Variants in CAMTA2 observed in about 807,000 individuals in gnomAD.
The protein encoded by CAMTA2 is calmodulin-binding transcription activator 2.
A neutral mutation model predicts 135.7 loss-of-function variants in CAMTA2; 56 were observed. The ratio of observed to expected loss-of-function variants is 0.41; its 90% CI spans 0.33 to 0.52. CAMTA2 has a LOEUF of 0.52. Among genes scored for constraint, CAMTA2 ranks in the 20% least tolerant of loss-of-function variants. The probability of loss-of-function intolerance (pLI) is 0.16; values close to 1 mark genes in which losing one functional copy is unlikely to be tolerated. For synonymous variants in CAMTA2, 591 were observed against 604.6 expected, an observed-to-expected ratio of 0.98 and a Z score of 0.33; for missense variants, 1,358 against 1,553.4, an observed-to-expected ratio of 0.87 and a Z score of 2.11.
At chr17:4,977,565 G>A (rs912381334) in intron 10 of CAMTA2, among the ~76,000 whole-genome samples, 6 of 152,250 alleles carry the variant, frequency 3.9e-5, no homozygotes, top group South Asian at 2.1e-4. Context: ...GAGGAAAGGG[G>A]AGCTAGCCGC....
intron 3 of CAMTA2, among the ~76,000 whole-genome samples, chr17:4,984,607 T>C (rs1246421290): frequency 6.6e-6 from 1 of 152,186 alleles, no homozygotes; most frequent in African/African-American, 2.4e-5. Context: ...TCTTCTGACA[T>C]CAAATTGATA....
Position 4,968,365 on chromosome 17 carries a change from G to A in CAMTA2, c.*391C>T. The A allele has an allele frequency of 3.1e-6, 1 of 327,482 alleles. No individual in the cohort carries two copies. Among genetic ancestry groups the A allele is most frequent in the South Asian group, 3.5e-5 (1 of 28,454 alleles). 20.3% of individuals were successfully genotyped at this position (327,482 alleles called of 1,614,324 possible). A position where few individuals can be genotyped will look rare whatever the true frequency, so the allele number is the denominator to read the frequency against. On this transcript the variant is annotated 3_prime_UTR_variant, in exon 23 of 23. Coordinates refer to ENST00000348066, the MANE Select transcript of CAMTA2 (RefSeq NM_015099.4). ...CAGCCCTGAAACACGAGGGGCGTGC[G>A]CAGCGAAGGCAGTGGTGGGAACCGA...
At chr17:4,976,492 G>A (rs1199289447) in intron 11 of CAMTA2, among the ~76,000 whole-genome samples, 2 of 151,954 alleles carry the variant, frequency 1.3e-5, no homozygotes, top group African/African-American at 4.8e-5. Flanking sequence ...TTGAGGTCAG[G>A]AGTTTGAGAC....
At position 4,986,180 on chromosome 17, in the gene CAMTA2, T is replaced by C. The variant is rs1307373535; in HGVS notation, c.31+12A>G. 1.3e-6 allele frequency: 2 copies of C among 1,540,468 alleles called. No homozygotes were observed. Among genetic ancestry groups the C allele is most frequent in the East Asian group, 2.2e-5 (1 of 44,504 alleles). ...GCTGTGGCCACATTGGGAACCTGGT[T>C]TGTGAACTTACCAGCAACCTCGGTG... On this transcript the variant is annotated intron_variant, in intron 2 of 22. Coordinates refer to ENST00000348066, the MANE Select transcript of CAMTA2 (RefSeq NM_015099.4).
At chr17:4,985,305 AAGGC>A (rs980318906) in intron 3 of CAMTA2, among the ~76,000 whole-genome samples, 2 of 152,276 alleles carry the variant, frequency 1.3e-5, no homozygotes, top group African/African-American at 4.8e-5. Context: ...TAAATGAGAC[AAGGC>A]AGGCCAAATG....
intron 12 of CAMTA2, chr17:4,974,004 C>A (rs532595126): frequency 3.6e-6 from 2 of 562,896 alleles, no homozygotes; most frequent in Non-Finnish European, 6.3e-6. Flanking sequence ...CCCATCAGCT[C>A]AGATTAGTGC....
chr17:4,979,526 A>AG (rs2151184769), intron 9 of CAMTA2, 158 bp downstream of exon 9: 1 of 465,858 alleles, frequency 2.1e-6, no homozygotes, highest in East Asian at 3.4e-5. Flanking sequence ...AAAAAAAAAA[A>AG]AAAGAGAGAG....
In CAMTA2 at chr17:4,985,909, G is replaced by C; in HGVS notation, c.106C>G (p.Pro36Ala). The change falls in exon 3 of 23, where the codon CCA (proline) becomes GCA (alanine). Residue 36 changes from proline (P) to alanine (A), a missense_variant. Coordinates refer to ENST00000348066, the MANE Select transcript of CAMTA2 (RefSeq NM_015099.4). Reference protein sequence around the residue: ...ECLPRCPLLPPERLRWNTNEE... With the variant: ...ECLPRCPLLPAERLRWNTNEE... ...TTTGTATTCCACCGTAGCCTCTCTG[G>C]AGGCAGCAGCGGGCAGCGAGGAAGA... 6.2e-7 allele frequency: 1 copy of C among 1,613,920 alleles called. No individual in the cohort carries two copies. Among genetic ancestry groups the C allele is most frequent in the Non-Finnish European group, 8.5e-7 (1 of 1,179,830 alleles).
rs1183184840 is a variant in CAMTA2 at position 4,968,564 on chromosome 17, G to A, written c.*192C>T. The A allele has an allele frequency of 9.6e-6, 6 of 626,964 alleles. No individual in the cohort carries two copies. Among genetic ancestry groups the A allele is most frequent in the Non-Finnish European group, 1.7e-5 (6 of 357,198 alleles). 38.8% of individuals were successfully genotyped at this position (626,964 alleles called of 1,614,324 possible). ...TTCTGGAGCCAGGACCAAAAGAGAC[G>A]GGGCACGACCAGGAGGGACGAGGAG... On this transcript the variant is annotated 3_prime_UTR_variant, in exon 23 of 23. Transcript: ENST00000348066.
rs754847812 is a variant in CAMTA2 at position 4,986,139 on chromosome 17, G to C, written c.31+53C>G. On this transcript the variant is annotated intron_variant, in intron 2 of 22. Transcript: ENST00000348066. ...CCAAGAATTAGAGGGCCACTAAAGC[G>C]TGGGGAGAACGAAAGGCTGTGGCCA... 3 of 1,182,578 alleles carry C rather than the reference G, an allele frequency of 2.5e-6. No individual in the cohort carries two copies. The African/African-American group carries it at 4.5e-5, about 18-fold the overall frequency. 73.3% of individuals were successfully genotyped at this position (1,182,578 alleles called of 1,614,324 possible).
chr17:4,980,281 C>T lies in CAMTA2; in HGVS notation c.1041G>A (p.Gln347=), dbSNP rs202053922. The stretch of plus-strand genomic sequence containing the variant: ...AACTCATGGAAGGCCTAGGATCAGC[C>T]TGTGGAGCCAAGTGCCTGGTGGGCG... ...GLTPTRHLAP[Q]ADPRPSMSLA... The change falls in exon 9 of 23, where the codon CAG becomes CAA. Residue 347 remains glutamine, a synonymous_variant. Coordinates refer to ENST00000348066, the MANE Select transcript of CAMTA2 (RefSeq NM_015099.4). The surrounding 1 kb of genome is among the most constrained non-coding windows in gnomAD (Gnocchi z 5.3). 1.3e-4 allele frequency: 205 copies of T among 1,607,214 alleles called. No homozygotes were observed. Among genetic ancestry groups the T allele is most frequent in the Non-Finnish European group, 1.6e-4 (194 of 1,175,944 alleles).
Position 4,981,761 on chromosome 17 carries a change from G to A in CAMTA2, c.482C>T (p.Pro161Leu), listed in dbSNP as rs1972972275. The change falls in exon 7 of 23, where the codon CCC becomes CTC. Residue 161 changes from proline to leucine, a missense_variant. Transcript: ENST00000348066. ...ALEDCGKGCS[P>L]IFCSISSDRR... ...GTCGCTGCTGATGGAACAAAAGATG[G>A]GGCTGCAGCCCTTTCCACAGTCCTC... is the stretch of plus-strand genomic sequence containing the variant. 5 of 1,613,524 alleles carry A rather than the reference G, an allele frequency of 3.1e-6. No individual in the cohort carries two copies. Among genetic ancestry groups the A allele is most frequent in the Non-Finnish European group, 4.2e-6 (5 of 1,179,756 alleles).
At chr17:4,981,436 C>G in intron 7 of CAMTA2, 77 bp from the exon 8 acceptor site, 1 of 1,566,518 alleles carries the variant, frequency 6.4e-7, no homozygotes, top group Non-Finnish European at 8.7e-7. Context: ...CCTCCAAGCA[C>G]CTGACATGCT....
chr17:4,971,267 C>T (rs1242052309), intron 16 of CAMTA2, among the ~76,000 whole-genome samples: 1 of 152,190 alleles, frequency 6.6e-6, no homozygotes, highest in Non-Finnish European at 1.5e-5. Flanking sequence ...CCCAGCTGCC[C>T]TCCGTCATCT....
At position 4,972,981 on chromosome 17, in the gene CAMTA2, C is replaced by G; in HGVS notation, c.2291G>C (p.Cys764Ser). 6.2e-7 allele frequency: 1 copy of G among 1,612,626 alleles called. No individual in the cohort carries two copies. The highest frequency in any genetic ancestry group is 8.5e-7 in the Non-Finnish European group (1 of 1,179,694). ...HFSCTPLMWA[C>S]ALGHLEAAVL... ...AGCAGCTTCCAGGTGTCCCAGGGCA[C>G]AAGCCCACATCTGAGGAAGGGGGCG... The change falls in exon 15 of 23, where the codon TGT (cysteine) becomes TCT (serine). Residue 764 changes from cysteine (C) to serine (S), a missense_variant. Physicochemically the swap from Cys to Ser is moderately radical, Grantham distance 112. This residue lies in a region of CAMTA2 where 1,077 missense variants were observed against 1,127.5 expected (regional missense o/e 0.96). Coordinates refer to ENST00000348066, the MANE Select transcript of CAMTA2 (RefSeq NM_015099.4).
At chr17:4,981,193 G>T in intron 8 of CAMTA2, 32 bp downstream of exon 8, 2 of 1,609,532 alleles carry the variant, frequency 1.2e-6, no homozygotes, top group Non-Finnish European at 1.7e-6. Context: ...GGCTAGGTGG[G>T]AAGACAGCCA....
chr17:4,985,203 G>C (rs1264297193), intron 3 of CAMTA2, among the ~76,000 whole-genome samples: 2 of 152,132 alleles, frequency 1.3e-5, no homozygotes. Flanking sequence ...AAAGGCCCTG[G>C]AGTAAGTTAG....
intron 12 of CAMTA2, 137 bp downstream of exon 12, chr17:4,974,248 G>C (rs1228037509): frequency 1.6e-6 from 1 of 644,626 alleles, no homozygotes; most frequent in Admixed American, 2.4e-5. Context: ...GGAACAGGGT[G>C]ACGTCAGGGA....
chr17:4,980,222 G>A lies in CAMTA2; in HGVS notation c.1100C>T (p.Pro367Leu), dbSNP rs773052922. ...AVVVGTEPSA[P>L]PAPPSPAFDP... Reference sequence around the variant, plus strand: ...AAAGGCAGGACTGGGAGGAGCTGGTGGGGCAGAAGGCTCAGTGCCTACAAC... The same window carrying A: ...AAAGGCAGGACTGGGAGGAGCTGGTAGGGCAGAAGGCTCAGTGCCTACAAC... Residue 367 changes from proline to leucine, a missense_variant, in exon 9 of 23, where the codon CCA becomes CTA. Physicochemically the swap from Pro to Leu is moderately conservative, Grantham distance 98. Coordinates refer to ENST00000348066, the MANE Select transcript of CAMTA2 (RefSeq NM_015099.4). The surrounding 1 kb of genome is among the most constrained non-coding windows in gnomAD (Gnocchi z 5.3). 1.3e-6 allele frequency: 2 copies of A among 1,575,680 alleles called. No individual in the cohort carries two copies. The highest frequency in any genetic ancestry group is 2.3e-5 in the South Asian group (2 of 85,110).
Sources: gnomAD v4.1 joint callset for allele counts (sites outside exome capture counted in the v4.1 genomes callset) on GRCh38, gnomAD v4.1.1 for gene constraint, gnomAD v4.1.1 regional missense constraint, Gnocchi (gnomAD v3.1) non-coding constraint, MANE v1.5 for transcripts, NCBI Gene and HGNC (gene_info 2026-07-23, HGNC 2026-07-21) for gene names.